THAP5: variants seen among roughly 807,000 people sequenced by gnomAD.
THAP5 encodes the protein THAP domain-containing protein 5.
A neutral mutation model predicts 34.0 loss-of-function variants in THAP5; 26 were observed. That is an observed-to-expected ratio of 0.77 (90% CI 0.56 to 1.06). The LOEUF (loss-of-function observed/expected upper bound fraction) is 1.06. Among genes scored for constraint, THAP5 ranks in the 50% least tolerant of loss-of-function variants. THAP5 has a pLI of 0.00. For missense variants in THAP5, 394 were observed against 452.8 expected, an observed-to-expected ratio of 0.87 and a Z score of 1.18; for synonymous variants, 125 against 153.0, an observed-to-expected ratio of 0.82 and a Z score of 1.35.
rs1790375060 is a variant in THAP5 at position 108,562,634 on chromosome 7, C to G, written c.*1557G>C. The G allele has an allele frequency of 6.6e-6, 1 of 152,176 alleles. No individual in the cohort carries two copies. The highest frequency in any genetic ancestry group is 1.5e-5 in the Non-Finnish European group (1 of 68,028). 9.4% of individuals were successfully genotyped at this position (152,176 alleles called of 1,614,324 possible). ...TTAAGGTAAGTAATAGTACGTTCTA[C>G]TTAACAGATGAAAAAACTAAGAATC... On this transcript the variant is annotated 3_prime_UTR_variant, in exon 3 of 3. Transcript: ENST00000415914.
the THAP5 span, among the ~76,000 whole-genome samples, chr7:108,549,089 TACACACAC>T: frequency 0.013 from 1,824 of 136,524 alleles, 40 homozygotes; most frequent in African/African-American, 0.046. Context: ...ACATGCTTAA[TACACACAC>T]ACACACACAC....
Position 108,564,738 on chromosome 7 carries a change from C to G in THAP5, c.641G>C (p.Ser214Thr). Residue 214 changes from serine to threonine, a missense_variant, in exon 3 of 3, where the codon AGT becomes ACT. Coordinates refer to ENST00000415914, the MANE Select transcript of THAP5 (RefSeq NM_001130475.3). ...TTGAGTTTCCAAAGATTGATGAATA[C>G]TTTCTGAATTTGAAGTTGTCAAAGT... ...TITLTTSNSE[S>T]IHQSLETQEV... 1 of 1,613,428 alleles carries G rather than the reference C, an allele frequency of 6.2e-7. No homozygotes were observed. Among genetic ancestry groups the G allele is most frequent in the Non-Finnish European group, 8.5e-7 (1 of 1,179,630 alleles).
intron 1 of THAP5, 115 bp downstream of exon 1, chr7:108,569,375 A>G: frequency 1.3e-6 from 2 of 1,518,832 alleles, no homozygotes; most frequent in Non-Finnish European, 1.8e-6. Flanking sequence ...GCGACGGGCC[A>G]CGTACGGAGA....
At chr7:108,550,268 T>C (rs1320642573), downstream of THAP5, among the ~76,000 whole-genome samples, 1 of 152,208 alleles carries the variant, frequency 6.6e-6, no homozygotes, top group East Asian at 1.9e-4. Flanking sequence ...CTTGACCCTT[T>C]GTGTCTTTTT....
chr7:108,553,621 A>T (rs1377987025), downstream of THAP5, among the ~76,000 whole-genome samples: 1 of 152,190 alleles, frequency 6.6e-6, no homozygotes, highest in African/African-American at 2.4e-5. Flanking sequence ...CATAGGTCCC[A>T]GTTCCTGAAA....
At chr7:108,568,410 G>C in intron 1 of THAP5, 1 of 154,200 alleles carries the variant, frequency 6.5e-6, no homozygotes. Context: ...TCTCCATGTT[G>C]GTCAGGCTGG....
At chr7:108,544,211 C>T in the THAP5 span, among the ~76,000 whole-genome samples, 6 of 152,132 alleles carry the variant, frequency 3.9e-5, no homozygotes, top group Non-Finnish European at 8.8e-5. Context: ...ATGGTCCAAA[C>T]TGTCAATAAT....
rs760033258 is a variant in THAP5, at chr7:108,564,319, G to A, written c.1060C>T (p.Gln354Ter). The change falls in exon 3 of 3, where the codon CAA (glutamine) becomes TAA (stop). Residue 354 changes from glutamine (Q) to a stop codon, truncating the protein, a stop_gained. Transcript: ENST00000415914. LOFTEE classifies it high-confidence loss of function. ...AAAGACTTCAATCTACCTAGAGTTT[G>A]TTGCTCTTTTAACTCTAGAAGAGTT... Reference protein sequence around the residue: ...KITLLELKEQQTLGRLKSLEA... With the variant: ...KITLLELKEQ 1 of 1,613,844 alleles carries A rather than the reference G, an allele frequency of 6.2e-7. No homozygotes were observed. The highest frequency in any genetic ancestry group is 1.1e-5 in the South Asian group (1 of 91,076).
the THAP5 span, among the ~76,000 whole-genome samples, chr7:108,548,060 C>T: frequency 1.3e-5 from 2 of 152,186 alleles, no homozygotes; most frequent in Non-Finnish European, 2.9e-5. Flanking sequence ...TGCTACTGCA[C>T]CTTTTCTAGG....
chr7:108,569,424 AGCCCAAAGGCCACAG>A, intron 1 of THAP5, 51 bp downstream of exon 1: 2 of 1,549,572 alleles, frequency 1.3e-6, no homozygotes, highest in Non-Finnish European at 1.7e-6. Flanking sequence ...GAGACACCCA[AGCCCAAAGGCCACAG>A]GTCCAAGGCC....
chr7:108,558,381 GTATATATATATATATATA>G (rs66806128), downstream of THAP5, among the ~76,000 whole-genome samples: 85 of 93,852 alleles, frequency 9.1e-4, 2 homozygotes, highest in African/African-American at 3.7e-3. Flanking sequence ...GTGTGTGTAT[GTATATATATATATATATA>G]TATATATATA....
downstream of THAP5, among the ~76,000 whole-genome samples, chr7:108,557,983 A>C (rs1564008275): frequency 6.6e-6 from 1 of 152,160 alleles, no homozygotes; most frequent in Non-Finnish European, 1.5e-5. Flanking sequence ...GAAAGGCAAA[A>C]AGGAAGCAAG....
At chr7:108,546,431 T>C in the THAP5 span, among the ~76,000 whole-genome samples, 1 of 152,210 alleles carries the variant, frequency 6.6e-6, no homozygotes, top group African/African-American at 2.4e-5. Flanking sequence ...ATATTTGAAC[T>C]GGTTCTTCAG....
rs1256570780 is a variant in THAP5, at chr7:108,563,314, G to A, written c.*877C>T. The A allele has an allele frequency of 2.0e-5, 3 of 152,136 alleles. No homozygotes were observed. Among genetic ancestry groups the A allele is most frequent in the African/African-American group, 4.8e-5 (2 of 41,414 alleles). The allele number at this position is 152,136 out of a possible 1,614,324, so 9.4% of individuals were successfully genotyped here. A position where few individuals can be genotyped will look rare whatever the true frequency, so the allele number is the denominator to read the frequency against. ...GCACTTTGGGAGGCCAAGGTAGGTG[G>A]ATCACCTGGGGTCAGGAGTTCGAGG... On this transcript the variant is annotated 3_prime_UTR_variant, in exon 3 of 3. Coordinates refer to ENST00000415914, the MANE Select transcript of THAP5 (RefSeq NM_001130475.3).
the THAP5 span, among the ~76,000 whole-genome samples, chr7:108,542,366 T>C: frequency 1.3e-5 from 2 of 152,196 alleles, no homozygotes; most frequent in African/African-American, 4.8e-5. Context: ...TCCTGAAACT[T>C]AGTAGTTGAA....
downstream of THAP5, among the ~76,000 whole-genome samples, chr7:108,553,324 C>T (rs1244384911): frequency 6.6e-6 from 1 of 152,088 alleles, no homozygotes; most frequent in East Asian, 1.9e-4. Flanking sequence ...ATTACAGGCA[C>T]TGAGCCAGTG....
At position 108,565,567 on chromosome 7, in the gene THAP5, C is replaced by CA. The variant is rs199882726; in HGVS notation, c.273+262dup. ...AGGGTGACAGAATGAGACCTTGTCT[C>CA]AAACAAAAAAAGTATAAAAAATAAA... On this transcript the variant is annotated intron_variant, in intron 2 of 2. Transcript: ENST00000415914. 4.8e-3 allele frequency: 1,173 copies of CA among 242,256 alleles called. 3 individuals are homozygous for CA. Among genetic ancestry groups the CA allele is most frequent in the South Asian group, 0.012 (121 of 10,354 alleles). 15.0% of individuals were successfully genotyped at this position (242,256 alleles called of 1,614,324 possible).
intron 1 of THAP5, among the ~76,000 whole-genome samples, chr7:108,556,694 T>C (rs1864388117): frequency 6.6e-6 from 1 of 152,216 alleles, no homozygotes; most frequent in Admixed American, 6.5e-5. Flanking sequence ...AGTTGAGTGC[T>C]TGGAGCTTTT....
the THAP5 span, among the ~76,000 whole-genome samples, chr7:108,542,675 C>G: frequency 6.6e-6 from 1 of 152,170 alleles, no homozygotes; most frequent in African/African-American, 2.4e-5. Flanking sequence ...ATTGGCCAGT[C>G]TGGTCTGTAA....
Sources: gnomAD v4.1 joint callset for allele counts (sites outside exome capture counted in the v4.1 genomes callset) on GRCh38, gnomAD v4.1.1 for gene constraint, MANE v1.5 for transcripts, NCBI Gene and HGNC (gene_info 2026-07-23, HGNC 2026-07-21) for gene names.